Variants in MRTFA observed in about 807,000 individuals in gnomAD.
The protein encoded by MRTFA is myocardin-related transcription factor A.
MRTFA carries 20 observed loss-of-function variants against 83.5 expected under a neutral mutation model. The observed-to-expected ratio is 0.24, with a 90% CI of 0.17 to 0.35. The LOEUF (loss-of-function observed/expected upper bound fraction) is 0.35, where lower values mean the gene tolerates loss of function less well. Ranked by LOEUF, MRTFA falls within the 10% of genes least tolerant of loss-of-function variation. The pLI is 1.00. For missense variants in MRTFA, 1,200 were observed against 1,224.7 expected (o/e 0.98, Z 0.30); for synonymous variants, 659 against 541.2 (o/e 1.22, Z -3.02).
Position 40,458,589 on chromosome 22 carries a change from G to A in MRTFA, c.307+4632C>T, listed in dbSNP as rs568828691. On this transcript the variant is annotated intron_variant, in intron 4 of 14. Transcript: ENST00000355630. ...CGTGGTAACTATGTGCAAGTGTTCT[G>A]GAAGATGAGGTAGATGGGTTTTTTT... 4.6e-5 allele frequency among the ~76,000 whole-genome samples: 7 copies of A among 152,262 alleles called. No individual in the cohort carries two copies. In the South Asian group the frequency reaches 1.5e-3, roughly 32 times the overall value.
At chr22:40,575,321 T>C (rs1157064101) in intron 2 of MRTFA, among the ~76,000 whole-genome samples, 1 of 151,312 alleles carries the variant, frequency 6.6e-6, no homozygotes, top group East Asian at 1.9e-4. Flanking sequence ...ATTTAATTAG[T>C]ACCTCACAGA....
At chr22:40,465,460 A>G (rs1371467068) in intron 3 of MRTFA, among the ~76,000 whole-genome samples, 1 of 152,232 alleles carries the variant, frequency 6.6e-6, no homozygotes, top group Non-Finnish European at 1.5e-5. Flanking sequence ...AGGAGCTACA[A>G]TAATAGCTGA....
At chr22:40,583,720 T>C (rs1461953004) in intron 2 of MRTFA, among the ~76,000 whole-genome samples, 3 of 152,178 alleles carry the variant, frequency 2.0e-5, no homozygotes, top group African/African-American at 7.2e-5. Context: ...ATACAAGGGA[T>C]CTAGGTTGCA....
In MRTFA at chr22:40,539,801, C is replaced by T. The variant is rs577359480; in HGVS notation, c.241+12305G>A. Among the ~76,000 whole-genome samples, 10 of 151,794 alleles carry T rather than the reference C, an allele frequency of 6.6e-5. No individual in the cohort carries two copies. In the East Asian group the frequency reaches 1.4e-3, roughly 20 times the overall value. ...ACAGGCACGAGCCACCGCGCCCAGC[C>T]GACGACAACTATTTTCTTAACGTAA... is the stretch of plus-strand genomic sequence containing the variant. On this transcript the variant is annotated intron_variant, in intron 3 of 14. Coordinates refer to ENST00000355630, the MANE Select transcript of MRTFA (RefSeq NM_020831.6).
chr22:40,519,595 C>T (rs2054826491), intron 3 of MRTFA: 1 of 1,329,596 alleles, frequency 7.5e-7, no homozygotes, highest in South Asian at 1.3e-5. Flanking sequence ...TTTGTTATAC[C>T]CAATTTGAGA....
intron 1 of MRTFA, among the ~76,000 whole-genome samples, chr22:40,631,506 C>A (rs776504908): frequency 6.6e-6 from 1 of 152,136 alleles, no homozygotes; most frequent in African/African-American, 2.4e-5. Flanking sequence ...TTCATACACA[C>A]GGCCGGCAAG....
In MRTFA at chr22:40,410,785, C is replaced by A. The variant is rs956429158; in HGVS notation, c.*605G>T. 3 of 232,946 alleles carry A rather than the reference C, an allele frequency of 1.3e-5. No individual in the cohort carries two copies. The highest frequency in any genetic ancestry group is 1.2e-4 in the East Asian group (2 of 16,554). 14.4% of individuals were successfully genotyped at this position (232,946 alleles called of 1,614,324 possible). A position where few individuals can be genotyped will look rare whatever the true frequency, so the allele number is the denominator to read the frequency against. On this transcript the variant is annotated 3_prime_UTR_variant, in exon 15 of 15. Transcript: ENST00000355630. ...GCACCCATCTCCTGTCCGCCCCCCC[C>A]CAAAAATATATATGTATGTCGATAT...
Position 40,619,727 on chromosome 22 carries a change from A to G in MRTFA, c.-84+16751T>C, listed in dbSNP as rs536025255. On this transcript the variant is annotated intron_variant, in intron 1 of 14. Coordinates refer to ENST00000355630, the MANE Select transcript of MRTFA (RefSeq NM_020831.6). ...ACACAGTGAAACCCCGTCTCTACTA[A>G]AAGTACAAAAAAATTAGCTGGGCGT... 9.9e-4 allele frequency among the ~76,000 whole-genome samples: 150 copies of G among 151,738 alleles called. 1 individual carries two copies. Among genetic ancestry groups the G allele is most frequent in the African/African-American group, 3.4e-3 (142 of 41,418 alleles).
At chr22:40,632,776 A>G (rs1041248340) in intron 1 of MRTFA, among the ~76,000 whole-genome samples, 2 of 152,170 alleles carry the variant, frequency 1.3e-5, no homozygotes, top group African/African-American at 4.8e-5. Flanking sequence ...TGAATCACTC[A>G]GCCAAGCTGA....
intron 3 of MRTFA, chr22:40,533,758 G>A: frequency 6.3e-6 from 3 of 474,348 alleles, no homozygotes; most frequent in Non-Finnish European, 1.0e-5. Context: ...ATCAGACTGT[G>A]AGAATATCCC....
At chr22:40,491,432 C>T (rs188027706) in intron 3 of MRTFA, among the ~76,000 whole-genome samples, 23 of 152,232 alleles carry the variant, frequency 1.5e-4, no homozygotes, top group Admixed American at 3.3e-4. Flanking sequence ...AATTGTTCAC[C>T]CTAAGCAAAA....
Position 40,423,645 on chromosome 22 carries a change from A to C in MRTFA, c.818T>G (p.Met273Arg), listed in dbSNP as rs1212043779. ...AGGAGGCTGCTCTGCCAGGAAAAGC[A>C]TTTCTCTGGAATCCCGGCCCATCGG... Residue 273 changes from methionine to arginine, a missense_variant, in exon 9 of 15, where the codon ATG becomes AGG. Coordinates refer to ENST00000355630, the MANE Select transcript of MRTFA (RefSeq NM_020831.6). 6.3e-7 allele frequency: 1 copy of C among 1,587,968 alleles called. No homozygotes were observed. The highest frequency in any genetic ancestry group is 1.4e-5 in the African/African-American group (1 of 74,064).
At chr22:40,470,205 C>A (rs1163954495) in intron 3 of MRTFA, among the ~76,000 whole-genome samples, 1 of 127,958 alleles carries the variant, frequency 7.8e-6, no homozygotes, top group African/African-American at 3.1e-5. Flanking sequence ...GCCTGGGTGA[C>A]ACAGCAAGAC....
chr22:40,566,150 A>T (rs566223689), intron 2 of MRTFA, among the ~76,000 whole-genome samples: 1 of 152,192 alleles, frequency 6.6e-6, no homozygotes, highest in African/African-American at 2.4e-5. Flanking sequence ...AGGAATGGAC[A>T]TAAGTATATT....
At position 40,421,098 on chromosome 22, in the gene MRTFA, T is replaced by C. The variant is rs1410464281; in HGVS notation, c.930A>G (p.Gln310=). 2.0e-6 allele frequency: 3 copies of C among 1,529,900 alleles called. No homozygotes were observed. Among genetic ancestry groups the C allele is most frequent in the South Asian group, 2.6e-5 (2 of 77,418 alleles). 94.8% of individuals were successfully genotyped at this position (1,529,900 alleles called of 1,614,324 possible). A position where few individuals can be genotyped will look rare whatever the true frequency, so the allele number is the denominator to read the frequency against. ...TCTCACTGGCAGACTTGGGTTGGCT[T>C]TGCTGAGGGCACAGGAGACAGGGTG... The change falls in exon 10 of 15, where the codon CAA becomes CAG. Residue 310 remains glutamine, a splice_region_variant and synonymous_variant. Transcript: ENST00000355630.
chr22:40,470,472 T>C (rs1241157334), intron 3 of MRTFA, among the ~76,000 whole-genome samples: 1 of 151,288 alleles, frequency 6.6e-6, no homozygotes, highest in Non-Finnish European at 1.5e-5. Context: ...CATAGGTTTA[T>C]ATTAGAAAAT....
chr22:40,594,080 G>A (rs1166356401), intron 2 of MRTFA, among the ~76,000 whole-genome samples: 1 of 152,222 alleles, frequency 6.6e-6, no homozygotes, highest in Non-Finnish European at 1.5e-5. Flanking sequence ...TCTATCTGGT[G>A]TACTTTTGTT....
chr22:40,430,860 CAAAAAAAA>C (rs1171650702), intron 6 of MRTFA, among the ~76,000 whole-genome samples: 4 of 35,120 alleles, frequency 1.1e-4, no homozygotes, highest in Non-Finnish European at 2.1e-4. Context: ...GACTCCATCA[CAAAAAAAA>C]AAAAAAAAAA....
intron 3 of MRTFA, among the ~76,000 whole-genome samples, chr22:40,534,910 T>G (rs538896706): frequency 1.3e-5 from 2 of 152,290 alleles, no homozygotes; most frequent in Admixed American, 6.5e-5. Context: ...TAGGAGACCT[T>G]AAGAGAGAAA....
Sources: allele counts gnomAD v4.1 joint callset (sites outside exome capture counted in the v4.1 genomes callset), GRCh38; gene constraint gnomAD v4.1.1; transcripts MANE v1.5; gene names NCBI Gene and HGNC (gene_info 2026-07-23, HGNC 2026-07-21).